Variants in UBE2E2 observed in about 807,000 individuals in gnomAD.
UBE2E2 encodes ubiquitin conjugating enzyme E2 E2, also known as ubiquitin-conjugating enzyme E2 E2.
UBE2E2 carries 6 observed loss-of-function variants against 24.7 expected under a neutral mutation model. The ratio of observed to expected loss-of-function variants is 0.24; its 90% CI spans 0.13 to 0.48. UBE2E2 has a LOEUF of 0.48. Among genes scored for constraint, UBE2E2 ranks in the 20% least tolerant of loss-of-function variants. UBE2E2 has a pLI of 0.99. For missense variants in UBE2E2, 169 were observed against 245.0 expected (o/e 0.69, Z 2.07); for synonymous variants, 104 against 83.6 (o/e 1.24, Z -1.33).
At chr3:23,225,882 T>G (rs77845246) in intron 3 of UBE2E2, among the ~76,000 whole-genome samples, 20,428 of 151,928 alleles carry the variant, frequency 0.13, 1,477 homozygotes, top group South Asian at 0.25. Flanking sequence ...TGTTTTTTTT[T>G]TTTGTTTTTG....
chr3:23,524,986 G>A (rs1280222145), intron 4 of UBE2E2, among the ~76,000 whole-genome samples: 1 of 152,008 alleles, frequency 6.6e-6, no homozygotes, highest in Non-Finnish European at 1.5e-5. Flanking sequence ...ATAGTTCCGT[G>A]GGTCAGAAGA....
At chr3:23,532,129 A>G (rs146438293) in intron 4 of UBE2E2, among the ~76,000 whole-genome samples, 240 of 152,164 alleles carry the variant, frequency 1.6e-3, no homozygotes, top group African/African-American at 5.5e-3. Flanking sequence ...TAGTACTCTC[A>G]TGCTTTTTGG....
chr3:23,203,369 T>C lies in UBE2E2; in HGVS notation c.-104T>C, dbSNP rs1696017266. ...CGGTCCGCAGGGGACATCCCGTCCC[T>C]GGGGCCTCCCCAGTCTCCCTCCCCC... is the stretch of plus-strand genomic sequence containing the variant. On this transcript the variant is annotated 5_prime_UTR_variant, in exon 1 of 6. Transcript: ENST00000396703. 5 of 985,506 alleles carry C rather than the reference T, an allele frequency of 5.1e-6. No homozygotes were observed. The highest frequency in any genetic ancestry group is 4.6e-5 in the South Asian group (1 of 21,638). 61.0% of individuals were successfully genotyped at this position (985,506 alleles called of 1,614,324 possible).
intron 3 of UBE2E2, among the ~76,000 whole-genome samples, chr3:23,480,073 A>G (rs532203704): frequency 7.2e-5 from 11 of 152,256 alleles, no homozygotes; most frequent in African/African-American, 2.4e-4. Context: ...CTAGGAACCT[A>G]TCTGCTTTTC....
chr3:23,393,779 G>C (rs1575602650), intron 3 of UBE2E2, among the ~76,000 whole-genome samples: 1 of 151,796 alleles, frequency 6.6e-6, no homozygotes, highest in Middle Eastern at 3.4e-3. Context: ...TTTTTTAATG[G>C]TTAAAAAAAT....
chr3:23,235,085 A>C (rs888239722), intron 3 of UBE2E2, among the ~76,000 whole-genome samples: 2 of 152,238 alleles, frequency 1.3e-5, no homozygotes, highest in Admixed American at 6.5e-5. Flanking sequence ...ATTATGAACA[A>C]GATGGAAGGC....
chr3:23,586,623 C>A (rs976172662), intron 5 of UBE2E2, among the ~76,000 whole-genome samples: 17 of 152,076 alleles, frequency 1.1e-4, no homozygotes, highest in Admixed American at 9.8e-4. Flanking sequence ...TTAATTCCTT[C>A]ATTGTGTATT....
intron 3 of UBE2E2, among the ~76,000 whole-genome samples, chr3:23,403,091 A>G (rs1697271201): frequency 6.6e-6 from 1 of 152,234 alleles, no homozygotes; most frequent in Admixed American, 6.5e-5. Flanking sequence ...TGGTTTGTAT[A>G]CATTCAGAAT....
At chr3:23,217,122 G>T (rs1249304467) in intron 2 of UBE2E2, 140 bp from the exon 3 acceptor site, 2 of 797,540 alleles carry the variant, frequency 2.5e-6, no homozygotes, top group East Asian at 5.5e-5. Flanking sequence ...ATTGTTTGTT[G>T]GATGTGATTC....
chr3:23,349,608 C>T (rs565388911), intron 3 of UBE2E2, among the ~76,000 whole-genome samples: 33 of 152,330 alleles, frequency 2.2e-4, no homozygotes, highest in African/African-American at 7.0e-4. Flanking sequence ...GAGGGTCCTA[C>T]GCCCACGGAA....
chr3:23,296,284 A>C (rs1559337322), intron 3 of UBE2E2, among the ~76,000 whole-genome samples: 1 of 151,856 alleles, frequency 6.6e-6, no homozygotes, highest in African/African-American at 2.4e-5. Flanking sequence ...AAAATATTTC[A>C]CTACTTTAGT....
At position 23,472,796 on chromosome 3, in the gene UBE2E2, G is replaced by C. The variant is rs1409516835; in HGVS notation, c.228-26812G>C. On this transcript the variant is annotated intron_variant, in intron 3 of 5. Transcript: ENST00000396703. ...AGTAGCTGGGACCACAGGCGCACAT[G>C]CTACCAAGCCCAGCTAATTTTTTTA... Among the ~76,000 whole-genome samples, 4 of 151,544 alleles carry C rather than the reference G, an allele frequency of 2.6e-5. 1 individual carries two copies. Among genetic ancestry groups the C allele is most frequent in the African/African-American group, 7.3e-5 (3 of 41,104 alleles).
intron 3 of UBE2E2, among the ~76,000 whole-genome samples, chr3:23,494,174 G>A (rs985320167): frequency 2.0e-5 from 3 of 152,136 alleles, no homozygotes; most frequent in East Asian, 1.9e-4. Context: ...TGAGAGATAA[G>A]TGATCATTAA....
chr3:23,311,168 C>T (rs1694377058), intron 3 of UBE2E2, among the ~76,000 whole-genome samples: 1 of 152,120 alleles, frequency 6.6e-6, no homozygotes, highest in Non-Finnish European at 1.5e-5. Context: ...TCATCTATGT[C>T]CCTGCAAAGG....
chr3:23,364,484 T>C (rs544740169), intron 3 of UBE2E2, among the ~76,000 whole-genome samples: 117 of 152,168 alleles, frequency 7.7e-4, no homozygotes, highest in South Asian at 2.5e-3. Flanking sequence ...CCCCAGAGAC[T>C]ACTGTGAACA....
At chr3:23,301,885 C>T (rs142347845) in intron 3 of UBE2E2, among the ~76,000 whole-genome samples, 4,398 of 152,272 alleles carry the variant, frequency 0.029, 109 homozygotes, top group East Asian at 0.13. Context: ...TGTTCCTATT[C>T]GGCCATCTTG....
intron 3 of UBE2E2, among the ~76,000 whole-genome samples, chr3:23,246,557 AT>A (rs997839911): frequency 1.3e-5 from 2 of 151,476 alleles, no homozygotes; most frequent in African/African-American, 2.4e-5. Flanking sequence ...TTTTTTTAAA[AT>A]TTTTTGTAGA....
intron 3 of UBE2E2, among the ~76,000 whole-genome samples, chr3:23,365,157 A>G (rs1358182108): frequency 6.6e-6 from 1 of 152,212 alleles, no homozygotes; most frequent in Non-Finnish European, 1.5e-5. Context: ...ACAAACCCAC[A>G]GCAAACATCA....
intron 3 of UBE2E2, among the ~76,000 whole-genome samples, chr3:23,267,006 T>C (rs543929412): frequency 9.7e-4 from 148 of 151,914 alleles, no homozygotes; most frequent in Non-Finnish European, 1.1e-3. Context: ...TTGAAACCAC[T>C]GAGAACAAAG....
Sources: allele counts gnomAD v4.1 joint callset (sites outside exome capture counted in the v4.1 genomes callset), GRCh38; gene constraint gnomAD v4.1.1; transcripts MANE v1.5; gene names NCBI Gene and HGNC (gene_info 2026-07-23, HGNC 2026-07-21).